The following E2F7 variants were observed in gnomAD, a reference collection of about 807,000 sequenced individuals.
E2F7 encodes E2F transcription factor 7.
In E2F7, 35 loss-of-function variants were observed where a neutral mutation model predicts 81.1. The ratio of observed to expected loss-of-function variants is 0.43; its 90% CI spans 0.33 to 0.57. E2F7 has a LOEUF of 0.57. E2F7 is among the 20% of genes least tolerant of loss of function. The probability of loss-of-function intolerance (pLI) is 0.04; values close to 1 mark genes in which losing one functional copy is unlikely to be tolerated. For synonymous variants in E2F7, 416 were observed against 416.2 expected (o/e 1.00, Z 0.01); for missense variants, 961 against 1,093.7 (o/e 0.88, Z 1.71).
chr12:77,030,346 G>T lies in E2F7; in HGVS notation c.1383-14C>A. 6.6e-7 allele frequency: 1 copy of T among 1,520,024 alleles called. No homozygotes were observed. The highest frequency in any genetic ancestry group is 8.8e-7 in the Non-Finnish European group (1 of 1,135,626). 94.2% of individuals were successfully genotyped at this position (1,520,024 alleles called of 1,614,324 possible). Reference sequence around the variant, plus strand: ...AAGGCTTTTCCCCTATAATAAAAAAGAAACGTAACGAAGTTAGCACATTCT... The same window carrying T: ...AAGGCTTTTCCCCTATAATAAAAAATAAACGTAACGAAGTTAGCACATTCT... On this transcript the variant is annotated splice_polypyrimidine_tract_variant and intron_variant, in intron 9 of 12. Coordinates refer to ENST00000322886, the MANE Select transcript of E2F7 (RefSeq NM_203394.3).
rs923579758 is a variant in E2F7 at position 77,021,498 on chromosome 12, TA to T, written c.*2516del. On this transcript the variant is annotated 3_prime_UTR_variant, in exon 13 of 13. Transcript: ENST00000322886. ...AGATAAGCAGAAAGCAGCTTTACGT[TA>T]AAAGAAAGTTATTTAAATACAGAAA... The T allele has an allele frequency of 2.6e-5, 4 of 152,616 alleles. No individual in the cohort carries two copies. The South Asian group carries it at 6.2e-4, about 24-fold the overall frequency. 9.5% of individuals were successfully genotyped at this position (152,616 alleles called of 1,614,324 possible).
rs1592551382 is a variant in E2F7 at position 77,023,788 on chromosome 12, G to A, written c.*227C>T. ...CTTGAATCAAAACCATAAGTCAGTC[G>A]GCGCTTTCACTGTGACACCATGCAG... On this transcript the variant is annotated 3_prime_UTR_variant, in exon 13 of 13. Transcript: ENST00000322886. 2 of 488,976 alleles carry A rather than the reference G, an allele frequency of 4.1e-6. No individual in the cohort carries two copies. Among genetic ancestry groups the A allele is most frequent in the South Asian group, 3.8e-5 (1 of 26,488 alleles). The allele number at this position is 488,976 out of a possible 1,614,324, so 30.3% of individuals were successfully genotyped here.
chr12:77,045,901 T>A (rs1954935784), intron 5 of E2F7, 137 bp downstream of exon 5: 3 of 1,139,332 alleles, frequency 2.6e-6, no homozygotes, highest in African/African-American at 1.6e-5. Flanking sequence ...TGCTTCTCTT[T>A]CTTCAGTGAG....
At chr12:77,053,979 TA>T (rs1955010493) in intron 3 of E2F7, among the ~76,000 whole-genome samples, 1 of 152,094 alleles carries the variant, frequency 6.6e-6, no homozygotes, top group Non-Finnish European at 1.5e-5. Context: ...CAAAAGGTAA[TA>T]AAGACTAGTT....
chr12:77,046,360 T>C (rs1250098322), intron 4 of E2F7, 32 bp from the exon 5 acceptor site: 6 of 1,590,868 alleles, frequency 3.8e-6, no homozygotes, highest in Non-Finnish European at 5.1e-6. Flanking sequence ...ATGGACATCA[T>C]GCAGACAAAC....
chr12:77,031,524 G>A (rs879653031), intron 9 of E2F7, among the ~76,000 whole-genome samples: 15 of 151,894 alleles, frequency 9.9e-5, no homozygotes, highest in East Asian at 1.9e-4. Context: ...GCCTGTAATC[G>A]CAGCTACTCT....
rs936344016 is a variant in E2F7 at position 77,021,500 on chromosome 12, A to C, written c.*2515T>G. The C allele has an allele frequency of 6.6e-6, 1 of 152,640 alleles. No individual in the cohort carries two copies. The highest frequency in any genetic ancestry group is 1.5e-5 in the Non-Finnish European group (1 of 68,026). The allele number at this position is 152,640 out of a possible 1,614,324, so 9.5% of individuals were successfully genotyped here. The stretch of plus-strand genomic sequence containing the variant: ...ATAAGCAGAAAGCAGCTTTACGTTA[A>C]AAGAAAGTTATTTAAATACAGAAAT... On this transcript the variant is annotated 3_prime_UTR_variant, in exon 13 of 13. Transcript: ENST00000322886.
At chr12:77,035,243 T>C (rs1244292411) in intron 7 of E2F7, among the ~76,000 whole-genome samples, 1 of 152,092 alleles carries the variant, frequency 6.6e-6, no homozygotes. Context: ...TCAAGGCAGC[T>C]AGGGTTTGCA....
rs746697771 is a variant in E2F7 at position 77,033,849 on chromosome 12, G to A, written c.1309+8C>T. 6.3e-7 allele frequency: 1 copy of A among 1,593,848 alleles called. No homozygotes were observed. The highest frequency in any genetic ancestry group is 2.3e-5 in the East Asian group (1 of 44,286). ...GATGGACTCCATAGATTATGCAAGG[G>A]CAGATACCTTGTTCTTCTCTGTACG... On this transcript the variant is annotated splice_region_variant and intron_variant, in intron 8 of 12. Coordinates refer to ENST00000322886, the MANE Select transcript of E2F7 (RefSeq NM_203394.3).
In E2F7 at chr12:77,055,933, A is replaced by G. The variant is rs371832431; in HGVS notation, c.291T>C (p.Asp97=). 51 of 1,614,108 alleles carry G rather than the reference A, an allele frequency of 3.2e-5. No homozygotes were observed. Among genetic ancestry groups the G allele is most frequent in the Non-Finnish European group, 4.3e-5 (51 of 1,180,014 alleles). Residue 97 remains aspartate, a synonymous_variant, in exon 3 of 13, where the codon GAT becomes GAC. Coordinates refer to ENST00000322886, the MANE Select transcript of E2F7 (RefSeq NM_203394.3). ...CCTTTTTCTTCTCCCGGTCCCTTAT[A>G]TCTGGGCTGGCAGCACTAATGAGCA... ...LKMLISAASP[D]IRDREKKKGL...
intron 12 of E2F7, among the ~76,000 whole-genome samples, chr12:77,025,090 A>G (rs1268403823): frequency 6.8e-6 from 1 of 147,784 alleles, no homozygotes; most frequent in Non-Finnish European, 1.5e-5. Flanking sequence ...CATTATACAC[A>G]CACACAGTCT....
rs1157806647 is a variant in E2F7 at position 77,028,106 on chromosome 12, G to C, written c.1917C>G (p.Pro639=). 1.9e-6 allele frequency: 3 copies of C among 1,614,030 alleles called. No individual in the cohort carries two copies. The Admixed American group carries it at 5.0e-5, about 27-fold the overall frequency. The change falls in exon 11 of 13, where the codon CCC becomes CCG. Residue 639 remains proline (P), a synonymous_variant. Transcript: ENST00000322886. ...TAGATGCCCTGTTACCCATAGTCTT[G>C]GGAGAGGCAAGGTCTGTGGAATCTG... The part of the protein sequence containing the change: ...KPSDSTDLAS[P]KTMGNRASIP...
chr12:77,064,584 T>C lies in E2F7; in HGVS notation c.52A>G (p.Arg18Gly). 1 of 1,614,186 alleles carries C rather than the reference T, an allele frequency of 6.2e-7. No individual in the cohort carries two copies. Among genetic ancestry groups the C allele is most frequent in the South Asian group, 1.1e-5 (1 of 91,084 alleles). Residue 18 changes from arginine to glycine, a missense_variant, in exon 2 of 13, where the codon AGA (arginine) becomes GGA (glycine). By Grantham distance (125) the Arg-to-Gly change is moderately radical. Around this residue, in one of 3 missense-constraint regions of E2F7, gnomAD observed 73 missense variants for 68.4 expected, o/e 1.07. Coordinates refer to ENST00000322886, the MANE Select transcript of E2F7 (RefSeq NM_203394.3). Reference protein sequence around the residue: ...LKDLISPRQPRLDFAVEDGEN... With the variant: ...LKDLISPRQPGLDFAVEDGEN... ...CCATCTTCAACTGCAAAATCTAGTC[T>C]GGGCTGCCTGGGGCTGATCAGGTCT...
intron 4 of E2F7, among the ~76,000 whole-genome samples, chr12:77,048,006 T>G (rs752173323): frequency 4.4e-4 from 67 of 152,206 alleles, no homozygotes; most frequent in Non-Finnish European, 8.2e-4. Context: ...AACAAGCTGT[T>G]AAGTCTCCAT....
At chr12:77,043,991 A>G (rs1258080947) in intron 6 of E2F7, among the ~76,000 whole-genome samples, 1 of 152,206 alleles carries the variant, frequency 6.6e-6, no homozygotes, top group East Asian at 1.9e-4. Context: ...CCCTGGATGC[A>G]GCTTTCTTCT....
chr12:77,050,436 A>G, intron 4 of E2F7, 140 bp downstream of exon 4: 2 of 799,396 alleles, frequency 2.5e-6, no homozygotes, highest in Non-Finnish European at 3.8e-6. Flanking sequence ...AAATTTGACG[A>G]TGACAAAGGA....
intron 10 of E2F7, among the ~76,000 whole-genome samples, chr12:77,028,344 C>T (rs944078022): frequency 1.3e-5 from 2 of 151,974 alleles, no homozygotes; most frequent in Non-Finnish European, 2.9e-5. Flanking sequence ...AGGGGCATCC[C>T]CCATGCCTGG....
chr12:77,064,157 C>G (rs773188634), intron 2 of E2F7, among the ~76,000 whole-genome samples: 3 of 152,182 alleles, frequency 2.0e-5, no homozygotes, highest in African/African-American at 2.4e-5. Flanking sequence ...AGACATTTCA[C>G]AGCACTTTAA....
At chr12:77,053,958 A>C (rs1161188138) in intron 3 of E2F7, among the ~76,000 whole-genome samples, 1 of 152,192 alleles carries the variant, frequency 6.6e-6, no homozygotes, top group Non-Finnish European at 1.5e-5. Context: ...TTACATGATC[A>C]AATAGTCTAT....
Sources: gnomAD v4.1 joint callset for allele counts (sites outside exome capture counted in the v4.1 genomes callset) on GRCh38, gnomAD v4.1.1 for gene constraint, gnomAD v4.1.1 regional missense constraint, MANE v1.5 for transcripts, NCBI Gene and HGNC (gene_info 2026-07-23, HGNC 2026-07-21) for gene names.